The following FKBP1A variants were observed in gnomAD, a reference collection of about 807,000 sequenced individuals.
FKBP1A encodes peptidyl-prolyl cis-trans isomerase FKBP1A.
In FKBP1A, 5 loss-of-function variants were observed where a neutral mutation model predicts 14.2. The observed-to-expected ratio is 0.35, with a 90% CI of 0.18 to 0.74. The LOEUF is 0.74. FKBP1A is among the 30% of genes least tolerant of loss of function. FKBP1A has a pLI of 0.56. For synonymous variants in FKBP1A, 42 were observed against 49.1 expected, an observed-to-expected ratio of 0.86 and a Z score of 0.60; for missense variants, 53 against 138.8, an observed-to-expected ratio of 0.38 and a Z score of 3.10.
At position 1,390,521 on chromosome 20, in the gene FKBP1A, C is replaced by G. The variant is rs555249510; in HGVS notation, c.85+2313G>C. On this transcript the variant is annotated intron_variant, in intron 2 of 4. Transcript: ENST00000400137. ...AAAAAACAGAGATGAGAACTAGAGG[C>G]ATCATGATTATTTCTTTTCCCTTCT... is the stretch of plus-strand genomic sequence containing the variant. Among the ~76,000 whole-genome samples, 6 of 152,272 alleles carry G rather than the reference C, an allele frequency of 3.9e-5. No homozygotes were observed. The South Asian group carries it at 1.2e-3, about 32-fold the overall frequency.
intron 2 of FKBP1A, among the ~76,000 whole-genome samples, chr20:1,383,977 C>T (rs1250930763): frequency 6.6e-6 from 1 of 152,152 alleles, no homozygotes; most frequent in African/African-American, 2.4e-5. Context: ...TAGCTGTTTG[C>T]TTTCCCTCTT....
Position 1,372,244 on chromosome 20 carries a change from T to G in FKBP1A, c.199-4A>C. ...TGGCTCTCTGACCCACACTCATCTG[T>G]GAAAAGAACAAGGAAGACAGACTCA... On this transcript the variant is annotated splice_polypyrimidine_tract_variant and splice_region_variant and intron_variant, in intron 3 of 4. Coordinates refer to ENST00000400137, the MANE Select transcript of FKBP1A (RefSeq NM_000801.5). The G allele has an allele frequency of 3.7e-6, 6 of 1,613,446 alleles. No individual in the cohort carries two copies. In the South Asian group the frequency reaches 5.5e-5, roughly 15 times the overall value.
chr20:1,389,596 TCA>T (rs1414802876), intron 2 of FKBP1A, among the ~76,000 whole-genome samples: 1 of 152,172 alleles, frequency 6.6e-6, no homozygotes, highest in East Asian at 1.9e-4. Flanking sequence ...CTGGTTTTTC[TCA>T]GTCAGAAACC....
chr20:1,378,050 C>CAGTTTGGGCACTAACACCTACTT (rs146124254), intron 2 of FKBP1A: 14,434 of 152,180 alleles, frequency 0.095, 782 homozygotes, highest in Middle Eastern at 0.15. Flanking sequence ...CTATACGGGT[C>CAGTTTGGGCACTAACACCTACTT]AGTTTGGGCA....
At chr20:1,372,503 T>A (rs1330236555) in intron 3 of FKBP1A, among the ~76,000 whole-genome samples, 1 of 152,210 alleles carries the variant, frequency 6.6e-6, no homozygotes, top group African/African-American at 2.4e-5. Flanking sequence ...GCCCTCAACC[T>A]TTCTACGCAA....
chr20:1,388,711 C>T lies in FKBP1A; in HGVS notation c.85+4123G>A, dbSNP rs533112637. The stretch of plus-strand genomic sequence containing the variant: ...CTGTTTCTGCCTTTGCCCCCAAAAG[C>T]CCATTGTCCACACAGTAGCCAGAAG... On this transcript the variant is annotated intron_variant, in intron 2 of 4. Coordinates refer to ENST00000400137, the MANE Select transcript of FKBP1A (RefSeq NM_000801.5). Among the ~76,000 whole-genome samples the T allele has an allele frequency of 3.8e-3, 575 of 151,518 alleles. 2 individuals are homozygous for T. Among genetic ancestry groups the T allele is most frequent in the Non-Finnish European group, 5.9e-3 (401 of 67,884 alleles).
intron 3 of FKBP1A, 95 bp downstream of exon 3, chr20:1,375,396 C>CT (rs1257431899): frequency 2.8e-5 from 25 of 883,444 alleles, no homozygotes; most frequent in Middle Eastern, 2.6e-4. Context: ...AGACTTTTCA[C>CT]TTTTTTTATT....
At chr20:1,385,961 C>G (rs1346241062) in intron 2 of FKBP1A, among the ~76,000 whole-genome samples, 2 of 152,250 alleles carry the variant, frequency 1.3e-5, no homozygotes, top group Non-Finnish European at 2.9e-5. Context: ...TTAACACTTA[C>G]TAGCTTATAC....
At chr20:1,372,684 T>TA (rs1411266783) in intron 3 of FKBP1A, among the ~76,000 whole-genome samples, 3 of 152,202 alleles carry the variant, frequency 2.0e-5, no homozygotes, top group Non-Finnish European at 2.9e-5. Context: ...TACTTGAGGG[T>TA]AGTCTATTTT....
At chr20:1,372,318 T>C in intron 3 of FKBP1A, 78 bp from the exon 4 acceptor site, 1 of 1,500,936 alleles carries the variant, frequency 6.7e-7, no homozygotes, top group Non-Finnish European at 9.2e-7. Flanking sequence ...GCTGTTTACC[T>C]AGGTGTTCCT....
intron 2 of FKBP1A, among the ~76,000 whole-genome samples, chr20:1,392,354 C>T (rs1201434432): frequency 1.3e-5 from 2 of 152,198 alleles, no homozygotes; most frequent in African/African-American, 4.8e-5. Flanking sequence ...AGCAGCAGCT[C>T]TGCAGACTCG....
chr20:1,371,900 A>G (rs2089470034), intron 4 of FKBP1A, 176 bp downstream of exon 4: 2 of 1,367,420 alleles, frequency 1.5e-6, no homozygotes, highest in Non-Finnish European at 1.9e-6. Context: ...AGGGTGACCA[A>G]TTTTTACATT....
In FKBP1A at chr20:1,369,925, G is replaced by A. The variant is rs1481594611; in HGVS notation, c.*184C>T. 4 of 1,233,242 alleles carry A rather than the reference G, an allele frequency of 3.2e-6. No homozygotes were observed. The highest frequency in any genetic ancestry group is 3.4e-6 in the Non-Finnish European group (3 of 886,880). 76.4% of individuals were successfully genotyped at this position (1,233,242 alleles called of 1,614,324 possible). ...ACACATACGAGGAGAAAGGGGAAGA[G>A]GAAACAGAGGTGTCGGAAGCAAAGC... On this transcript the variant is annotated 3_prime_UTR_variant, in exon 5 of 5. Transcript: ENST00000400137.
intron 3 of FKBP1A, chr20:1,374,571 C>T (rs770903011): frequency 6.6e-6 from 1 of 152,166 alleles, no homozygotes; most frequent in Non-Finnish European, 1.5e-5. Flanking sequence ...CAGAGTGCAA[C>T]CCCTAGAGAT....
At chr20:1,373,052 T>C (rs1186455202) in intron 3 of FKBP1A, 1 of 152,272 alleles carries the variant, frequency 6.6e-6, no homozygotes, top group Admixed American at 6.5e-5. Context: ...TCCATGTGTA[T>C]GTTCCCGACT....
rs1403061046 is a variant in FKBP1A, at chr20:1,372,299, A to C, written c.199-59T>G. On this transcript the variant is annotated intron_variant, in intron 3 of 4. Coordinates refer to ENST00000400137, the MANE Select transcript of FKBP1A (RefSeq NM_000801.5). ...GACACATGCCCCAACTGTCTCTGTA[A>C]GAAAAAGAGCTGTTTACCTAGGTGT... The C allele has an allele frequency of 1.9e-6, 3 of 1,580,522 alleles. No homozygotes were observed. The African/African-American group carries it at 4.1e-5, about 21-fold the overall frequency.
chr20:1,369,174 G>A lies in FKBP1A; in HGVS notation c.*935C>T, dbSNP rs1226379197. The A allele has an allele frequency of 3.0e-5, 5 of 167,028 alleles. No individual in the cohort carries two copies. The highest frequency in any genetic ancestry group is 1.2e-4 in the African/African-American group (5 of 41,432). 10.3% of individuals were successfully genotyped at this position (167,028 alleles called of 1,614,324 possible). On this transcript the variant is annotated 3_prime_UTR_variant, in exon 5 of 5. Transcript: ENST00000400137. ...AGCCAAGCATCAAAAAACAGGAGAT[G>A]CTGAAGCTGCGATGACCAGCATCAT... is the stretch of plus-strand genomic sequence containing the variant.
chr20:1,378,545 ATG>A (rs976852359), intron 2 of FKBP1A: 7 of 152,070 alleles, frequency 4.6e-5, no homozygotes, highest in Non-Finnish European at 8.8e-5. Context: ...GGTGATCATG[ATG>A]TGTCAATGCA....
chr20:1,386,095 C>T lies in FKBP1A; in HGVS notation c.85+6739G>A, dbSNP rs1208148793. On this transcript the variant is annotated intron_variant, in intron 2 of 4. Transcript: ENST00000400137. The surrounding 1 kb of genome is among the most constrained non-coding windows in gnomAD (Gnocchi z 4.7). The stretch of plus-strand genomic sequence containing the variant: ...AGCCAGGACAGTGTCTTGTACATAG[C>T]AGACATTCATCAAGTACTTACAGAA... Among the ~76,000 whole-genome samples, 1 of 152,238 alleles carries T rather than the reference C, an allele frequency of 6.6e-6. No individual in the cohort carries two copies. The highest frequency in any genetic ancestry group is 1.5e-5 in the Non-Finnish European group (1 of 68,044).
Sources: gnomAD v4.1 joint callset for allele counts (sites outside exome capture counted in the v4.1 genomes callset) on GRCh38, gnomAD v4.1.1 for gene constraint, Gnocchi (gnomAD v3.1) non-coding constraint, MANE v1.5 for transcripts, NCBI Gene and HGNC (gene_info 2026-07-23, HGNC 2026-07-21) for gene names.